GPATCH8: variants seen among roughly 807,000 people sequenced by gnomAD.
GPATCH8 encodes G patch domain-containing protein 8.
In GPATCH8, 18 loss-of-function variants were observed where a neutral mutation model predicts 118.3. The observed-to-expected ratio is 0.15, with a 90% CI of 0.11 to 0.23. GPATCH8 has a LOEUF of 0.23. GPATCH8 is among the 10% of genes least tolerant of loss of function. The pLI, the probability that GPATCH8 is intolerant of heterozygous loss-of-function variation, is 1.00. For missense variants in GPATCH8, 1,631 were observed against 1,873.8 expected (o/e 0.87, Z 2.39); for synonymous variants, 659 against 684.7 (o/e 0.96, Z 0.59).
intron 5 of GPATCH8, among the ~76,000 whole-genome samples, chr17:44,431,820 G>C (rs1461545946): frequency 6.6e-6 from 1 of 151,904 alleles, no homozygotes; most frequent in African/African-American, 2.4e-5. Flanking sequence ...TGGTTACTTG[G>C]GAGGCTGAGG....
At chr17:44,431,092 C>G (rs181259193) in intron 5 of GPATCH8, among the ~76,000 whole-genome samples, 5 of 151,608 alleles carry the variant, frequency 3.3e-5, no homozygotes, top group Admixed American at 2.6e-4. Flanking sequence ...GTGAGGGGGC[C>G]AGGCACAGTG....
intron 6 of GPATCH8, among the ~76,000 whole-genome samples, chr17:44,418,422 G>A (rs990180333): frequency 1.5e-4 from 22 of 151,280 alleles, no homozygotes; most frequent in African/African-American, 5.1e-4. Context: ...CTTACACTAA[G>A]CCAACAAAGG....
chr17:44,447,530 G>C (rs1354226712), intron 3 of GPATCH8, among the ~76,000 whole-genome samples: 1 of 151,960 alleles, frequency 6.6e-6, no homozygotes, highest in East Asian at 1.9e-4. Context: ...TCTCCAATAA[G>C]AGATAATAGC....
chr17:44,485,458 G>A (rs566308161), intron 1 of GPATCH8, among the ~76,000 whole-genome samples: 20 of 151,896 alleles, frequency 1.3e-4, no homozygotes, highest in Admixed American at 9.2e-4. Context: ...ATAGGGTCTC[G>A]CTCTGTCACT....
intron 5 of GPATCH8, among the ~76,000 whole-genome samples, chr17:44,425,230 G>C (rs1340404107): frequency 6.6e-6 from 1 of 152,186 alleles, no homozygotes; most frequent in Admixed American, 6.6e-5. Flanking sequence ...GTGACTACTT[G>C]CTTGACTTTT....
At chr17:44,405,209 CT>C (rs542901574) in intron 7 of GPATCH8, among the ~76,000 whole-genome samples, 8,305 of 137,896 alleles carry the variant, frequency 0.06, 234 homozygotes, top group South Asian at 0.22. Context: ...GTTTATAATT[CT>C]TTTTTTTTTT....
chr17:44,483,793 T>C (rs1598615890), intron 1 of GPATCH8, among the ~76,000 whole-genome samples: 2 of 151,460 alleles, frequency 1.3e-5, no homozygotes, highest in South Asian at 4.2e-4. Context: ...AAGCATGCAC[T>C]ACCAGGCTCG....
chr17:44,501,225 T>C (rs1229191168), intron 1 of GPATCH8, among the ~76,000 whole-genome samples: 1 of 152,026 alleles, frequency 6.6e-6, no homozygotes, highest in African/African-American at 2.4e-5. Context: ...GAGACCAGCC[T>C]GGCCAATACG....
At chr17:44,500,410 T>C (rs890600538) in intron 1 of GPATCH8, among the ~76,000 whole-genome samples, 1 of 152,076 alleles carries the variant, frequency 6.6e-6, no homozygotes, top group Admixed American at 6.5e-5. Context: ...AGTTACCAAT[T>C]AAAAAAAGTT....
intron 1 of GPATCH8, among the ~76,000 whole-genome samples, chr17:44,480,679 C>T (rs1281662536): frequency 6.6e-6 from 1 of 150,522 alleles, no homozygotes; most frequent in Non-Finnish European, 1.5e-5. Flanking sequence ...GAGATCGCGC[C>T]ATTGCACTCC....
intron 2 of GPATCH8, among the ~76,000 whole-genome samples, chr17:44,472,726 C>T (rs1052490420): frequency 6.4e-4 from 97 of 152,192 alleles, no homozygotes; most frequent in Middle Eastern, 6.8e-3. Flanking sequence ...GATGGAGTCT[C>T]GCTCTGTCAC....
At chr17:44,485,208 A>G (rs190888258) in intron 1 of GPATCH8, among the ~76,000 whole-genome samples, 83 of 152,156 alleles carry the variant, frequency 5.5e-4, no homozygotes, top group African/African-American at 1.9e-3. Context: ...GGCTCAAGTG[A>G]TTCTCCCACT....
intron 3 of GPATCH8, among the ~76,000 whole-genome samples, chr17:44,456,810 T>C (rs1202572138): frequency 6.6e-6 from 1 of 152,198 alleles, no homozygotes; most frequent in Non-Finnish European, 1.5e-5. Context: ...TCATTCTGCC[T>C]TCTTTAGGTC....
chr17:44,438,149 C>T (rs1238488193), intron 3 of GPATCH8, among the ~76,000 whole-genome samples: 1 of 152,132 alleles, frequency 6.6e-6, no homozygotes, highest in Non-Finnish European at 1.5e-5. Flanking sequence ...ATATCACTTT[C>T]ATAACGTCTC....
chr17:44,445,502 CTTT>C (rs113545278), intron 3 of GPATCH8, among the ~76,000 whole-genome samples: 7 of 146,482 alleles, frequency 4.8e-5, no homozygotes, highest in African/African-American at 1.5e-4. Context: ...ATTTCTTTTT[CTTT>C]TTTTTTTTTC....
intron 5 of GPATCH8, among the ~76,000 whole-genome samples, chr17:44,429,639 G>A (rs1399384261): frequency 3.4e-5 from 2 of 58,450 alleles, no homozygotes; most frequent in East Asian, 6.1e-4. Flanking sequence ...GTGAAACCCC[G>A]TCTCTACTAA....
intron 6 of GPATCH8, among the ~76,000 whole-genome samples, chr17:44,423,744 C>T (rs1435059580): frequency 1.3e-5 from 2 of 152,100 alleles, no homozygotes; most frequent in African/African-American, 4.8e-5. Flanking sequence ...ACAATTTTCT[C>T]CTCTAAAATG....
At chr17:44,495,275 A>G (rs1456415837) in intron 1 of GPATCH8, among the ~76,000 whole-genome samples, 1 of 152,186 alleles carries the variant, frequency 6.6e-6, no homozygotes, top group Non-Finnish European at 1.5e-5. Context: ...TGGAGGTTGC[A>G]GTGAGCTGAG....
At chr17:44,473,592 A>G (rs1967483022) in intron 2 of GPATCH8, 1 of 152,214 alleles carries the variant, frequency 6.6e-6, no homozygotes, top group Non-Finnish European at 1.5e-5. Flanking sequence ...GTCTAGCATC[A>G]TGCCAGCACA....
Sources: allele counts gnomAD v4.1 joint callset (sites outside exome capture counted in the v4.1 genomes callset), GRCh38; gene constraint gnomAD v4.1.1; transcripts MANE v1.5; gene names NCBI Gene and HGNC (gene_info 2026-07-23, HGNC 2026-07-21).